CACNA1G: variants seen among roughly 807,000 people sequenced by gnomAD.
The protein encoded by CACNA1G is voltage-dependent T-type calcium channel subunit alpha-1G.
In CACNA1G, 67 loss-of-function variants were observed where a neutral mutation model predicts 219.4. The ratio of observed to expected loss-of-function variants is 0.31; its 90% CI spans 0.25 to 0.37. CACNA1G has a LOEUF of 0.37. CACNA1G is among the 10% of genes least tolerant of loss of function. The probability of loss-of-function intolerance (pLI) is 1.00; values close to 1 mark genes in which losing one functional copy is unlikely to be tolerated. For missense variants in CACNA1G, 2,380 were observed against 3,231.4 expected (o/e 0.74, Z 6.39); for synonymous variants, 1,296 against 1,345.3 (o/e 0.96, Z 0.80).
At chr17:50,611,033 A>G (rs1026191681) in intron 26 of CACNA1G, among the ~76,000 whole-genome samples, 4 of 152,196 alleles carry the variant, frequency 2.6e-5, no homozygotes, top group African/African-American at 4.8e-5. Context: ...AGGCGGGCAG[A>G]TCATGAGGTC....
At position 50,624,203 on chromosome 17, in the gene CACNA1G, C is replaced by A; in HGVS notation, c.6229+128C>A. On this transcript the variant is annotated intron_variant, in intron 36 of 37. Coordinates refer to ENST00000359106, the MANE Select transcript of CACNA1G (RefSeq NM_018896.5). The stretch of plus-strand genomic sequence containing the variant: ...GGTATCTCTGACCTCAGGGGAGCCT[C>A]CAGCCTGGGGGAATGGCTTTGAGTC... The A allele has an allele frequency of 2.3e-6, 3 of 1,311,900 alleles. No homozygotes were observed. The South Asian group carries it at 4.1e-5, about 18-fold the overall frequency. 81.3% of individuals were successfully genotyped at this position (1,311,900 alleles called of 1,614,324 possible).
intron 9 of CACNA1G, among the ~76,000 whole-genome samples, chr17:50,588,228 C>T (rs551899614): frequency 2.0e-4 from 31 of 152,190 alleles, no homozygotes; most frequent in African/African-American, 6.3e-4. Context: ...TCCAGTCCAC[C>T]GTGTATCTGG....
At chr17:50,615,638 C>A in intron 27 of CACNA1G, 126 bp downstream of exon 27, 2 of 945,612 alleles carry the variant, frequency 2.1e-6, no homozygotes, top group Non-Finnish European at 3.0e-6. Context: ...TACATGGGTT[C>A]CTCTTGTGCC....
rs1342359447 is a variant in CACNA1G, at chr17:50,599,409, C to T, written c.3259-19C>T. The T allele has an allele frequency of 1.3e-6, 2 of 1,522,388 alleles. No individual in the cohort carries two copies. The highest frequency in any genetic ancestry group is 1.8e-6 in the Non-Finnish European group (2 of 1,135,142). 94.3% of individuals were successfully genotyped at this position (1,522,388 alleles called of 1,614,324 possible). A position where few individuals can be genotyped will look rare whatever the true frequency, so the allele number is the denominator to read the frequency against. ...TGCTGGGCCCTGCCTGAGACCACTC[C>T]TCCCCTGCTCACCCACAGCCCAGCG... On this transcript the variant is annotated intron_variant, in intron 16 of 37. Transcript: ENST00000359106.
At chr17:50,608,155 C>T (rs1690759813) in intron 25 of CACNA1G, 136 bp downstream of exon 25, 1 of 719,794 alleles carries the variant, frequency 1.4e-6, no homozygotes, top group African/African-American at 1.8e-5. Context: ...CCCTCCTCAC[C>T]TCCTTCTCCC....
At chr17:50,595,676 G>A (rs939137456) in intron 14 of CACNA1G, among the ~76,000 whole-genome samples, 10 of 152,250 alleles carry the variant, frequency 6.6e-5, no homozygotes, top group African/African-American at 1.4e-4. Context: ...CTGGCCCCAC[G>A]ATGAGCCTGT....
chr17:50,573,110 C>T lies in CACNA1G; in HGVS notation c.1137C>T (p.Ile379=). 6.4e-7 allele frequency: 1 copy of T among 1,564,838 alleles called. No individual in the cohort carries two copies. Among genetic ancestry groups the T allele is most frequent in the Non-Finnish European group, 8.7e-7 (1 of 1,152,912 alleles). The change falls in exon 7 of 38, where the codon ATC becomes ATT. Residue 379 remains isoleucine (I), a synonymous_variant. Transcript: ENST00000359106. ...ATTTCATCTACTTCATCCTCCTCAT[C>T]ATCGTGAGTGACTCCTCAGATCCCC... ...FYNFIYFILL[I]IVGSFFMINL...
intron 10 of CACNA1G, among the ~76,000 whole-genome samples, chr17:50,591,037 G>A (rs1227976151): frequency 2.6e-5 from 4 of 152,108 alleles, no homozygotes. Flanking sequence ...CTTGCTTTAG[G>A]GTTTCCAAGA....
chr17:50,561,402 C>T lies in CACNA1G; in HGVS notation c.-58C>T. On this transcript the variant is annotated 5_prime_UTR_variant, in exon 1 of 38. Coordinates refer to ENST00000359106, the MANE Select transcript of CACNA1G (RefSeq NM_018896.5). ...CCCCCGGGTTGCGTGAGGACACCTC[C>T]TCTGAGGGGCGCCGCTTGCCCCTCT... The T allele has an allele frequency of 1.3e-6, 2 of 1,532,554 alleles. No individual in the cohort carries two copies. The highest frequency in any genetic ancestry group is 8.7e-7 in the Non-Finnish European group (1 of 1,146,064). The allele number at this position is 1,532,554 out of a possible 1,614,324, so 94.9% of individuals were successfully genotyped here. A position where few individuals can be genotyped will look rare whatever the true frequency, so the allele number is the denominator to read the frequency against.
rs2046187209 is a variant in CACNA1G at position 50,599,469 on chromosome 17, A to T, written c.3300A>T (p.Ala1100=). The stretch of plus-strand genomic sequence containing the variant: ...CTCCGCACAGCCCCTGGAGCGCTGC[A>T]AGCAGCTGGACCAGCAGGCGCTCCA... ...RSSPHSPWSA[A]SSWTSRRSSR... Residue 1100 remains alanine (A), a synonymous_variant, in exon 17 of 38, where the codon GCA becomes GCT. Transcript: ENST00000359106. 2 of 1,580,168 alleles carry T rather than the reference A, an allele frequency of 1.3e-6. No individual in the cohort carries two copies. Among genetic ancestry groups the T allele is most frequent in the African/African-American group, 1.3e-5 (1 of 74,172 alleles).
At chr17:50,574,659 AC>A (rs1481829567) in intron 7 of CACNA1G, among the ~76,000 whole-genome samples, 3 of 151,618 alleles carry the variant, frequency 2.0e-5, no homozygotes, top group Non-Finnish European at 4.4e-5. Context: ...CCTCCCACAC[AC>A]CCCCTGAAAA....
In CACNA1G at chr17:50,578,747, T is replaced by C. The variant is rs533018808; in HGVS notation, c.2301+183T>C. ...CATGGGGATTCTCTAGAGGGAGTGC[T>C]TAAAGTCTCTGAGTATGGAGGTCGC... On this transcript the variant is annotated intron_variant, in intron 9 of 37. Transcript: ENST00000359106. This position sits in a 1 kb window ranked among gnomAD's most constrained non-coding sequence, Gnocchi z 4.5. Among the ~76,000 whole-genome samples, 140 of 152,222 alleles carry C rather than the reference T, an allele frequency of 9.2e-4. 1 individual carries two copies. Among genetic ancestry groups the C allele is most frequent in the Non-Finnish European group, 1.6e-3 (107 of 68,016 alleles).
Position 50,595,784 on chromosome 17 carries a change from T to A in CACNA1G, c.2979+723T>A, listed in dbSNP as rs1290903150. On this transcript the variant is annotated intron_variant, in intron 14 of 37. Coordinates refer to ENST00000359106, the MANE Select transcript of CACNA1G (RefSeq NM_018896.5). ...CATATCCCGAGCAGCCCCCTGGAGA[T>A]CCCACTTGATAATTAAAGGCCTCGT... 3.9e-5 allele frequency among the ~76,000 whole-genome samples: 6 copies of A among 152,242 alleles called. No homozygotes were observed. The East Asian group carries it at 1.2e-3, about 29-fold the overall frequency.
chr17:50,599,956 GC>G, intron 17 of CACNA1G, 97 bp downstream of exon 17: 1 of 1,229,394 alleles, frequency 8.1e-7, no homozygotes, highest in Non-Finnish European at 1.1e-6. Flanking sequence ...ACCATTCCAA[GC>G]CCACGGAATA....
chr17:50,600,874 C>T lies in CACNA1G; in HGVS notation c.3791+48C>T, dbSNP rs764529130. 2 of 1,581,742 alleles carry T rather than the reference C, an allele frequency of 1.3e-6. No homozygotes were observed. Among genetic ancestry groups the T allele is most frequent in the Non-Finnish European group, 1.7e-6 (2 of 1,151,234 alleles). On this transcript the variant is annotated intron_variant, in intron 18 of 37. Coordinates refer to ENST00000359106, the MANE Select transcript of CACNA1G (RefSeq NM_018896.5). This position sits in a 1 kb window ranked among gnomAD's most constrained non-coding sequence, Gnocchi z 4.1. ...GACCTGTGTCCCGACCTCTTCTTCT[C>T]ACGGGAAATTACCGCTGGTGATGCT...
In CACNA1G at chr17:50,575,927, A is replaced by G; in HGVS notation, c.1525A>G (p.Asn509Asp). 1 of 1,557,568 alleles carries G rather than the reference A, an allele frequency of 6.4e-7. No individual in the cohort carries two copies. Among genetic ancestry groups the G allele is most frequent in the Non-Finnish European group, 8.7e-7 (1 of 1,151,240 alleles). ...CCATCACCACCACTACCACCTGGGC[A>G]ATGGGACGCTCAGGGCCCCCCGGGC... ...HHHHHHYHLG[N>D]GTLRAPRASP... The change falls in exon 8 of 38, where the codon AAT (asparagine) becomes GAT (aspartate). Residue 509 changes from asparagine to aspartate, a missense_variant. Asn to Asp is a conservative substitution (Grantham distance 23, BLOSUM62 1). This residue lies in a region of CACNA1G where 434 missense variants were observed against 417.3 expected (regional missense o/e 1.04). Coordinates refer to ENST00000359106, the MANE Select transcript of CACNA1G (RefSeq NM_018896.5).
At chr17:50,599,221 T>A (rs1262883127) in intron 16 of CACNA1G, among the ~76,000 whole-genome samples, 7 of 152,344 alleles carry the variant, frequency 4.6e-5, no homozygotes, top group Non-Finnish European at 8.8e-5. Context: ...AGGAAACAGA[T>A]GCACAGAGAG....
At chr17:50,609,777 C>A in intron 25 of CACNA1G, 105 bp from the exon 26 acceptor site, 3 of 969,978 alleles carry the variant, frequency 3.1e-6, no homozygotes, top group Non-Finnish European at 4.7e-6. Flanking sequence ...GCGCACCCCA[C>A]CCATAGGCAG....
chr17:50,565,588 G>T (rs747215356), intron 1 of CACNA1G, among the ~76,000 whole-genome samples: 1 of 152,074 alleles, frequency 6.6e-6, no homozygotes, highest in Admixed American at 6.5e-5. Context: ...TCTCCTCAAC[G>T]TTCCTTAGTC....
Sources: allele counts gnomAD v4.1 joint callset (sites outside exome capture counted in the v4.1 genomes callset), GRCh38; gene constraint gnomAD v4.1.1; regional missense constraint gnomAD v4.1.1; non-coding constraint Gnocchi (gnomAD v3.1); transcripts MANE v1.5; gene names NCBI Gene and HGNC (gene_info 2026-07-23, HGNC 2026-07-21).